Variants in CRHR1 observed in about 807,000 individuals in gnomAD.
CRHR1 encodes the protein corticotropin-releasing hormone receptor 1.
In CRHR1, 28 loss-of-function variants were observed where a neutral mutation model predicts 56.0. The observed-to-expected ratio is 0.50, with a 90% confidence interval of 0.37 to 0.69. CRHR1 has a LOEUF of 0.69. Among genes scored for constraint, CRHR1 ranks in the 30% least tolerant of loss-of-function variants. The pLI, the probability that CRHR1 is intolerant of heterozygous loss-of-function variation, is 0.00. For missense variants in CRHR1, 376 were observed against 548.0 expected (o/e 0.69, Z 3.13); for synonymous variants, 195 against 216.5 (o/e 0.90, Z 0.87).
chr17:45,795,753 A>T (rs1183117541), intron 1 of CRHR1, among the ~76,000 whole-genome samples: 1 of 152,338 alleles, frequency 6.6e-6, no homozygotes, highest in African/African-American at 2.4e-5. Flanking sequence ...TCTGTCTCCC[A>T]GGTCAGGTGT....
At chr17:45,804,227 G>GCA (rs2061679441) in intron 1 of CRHR1, among the ~76,000 whole-genome samples, 1 of 152,206 alleles carries the variant, frequency 6.6e-6, no homozygotes, top group South Asian at 2.1e-4. Flanking sequence ...ATCTTGCTGA[G>GCA]TGTCCCGTGT....
At chr17:45,811,625 T>C (rs2061826628) in intron 2 of CRHR1, among the ~76,000 whole-genome samples, 1 of 152,126 alleles carries the variant, frequency 6.6e-6, no homozygotes, top group South Asian at 2.1e-4. Flanking sequence ...CACAGAGTGA[T>C]AGGAACGTTG....
chr17:45,806,880 G>T, intron 1 of CRHR1, 130 bp from the exon 2 acceptor site: 1 of 701,594 alleles, frequency 1.4e-6, no homozygotes, highest in South Asian at 1.7e-5. Flanking sequence ...GAAGCGACTG[G>T]ATGTGTGACA....
rs753153508 is a variant in CRHR1 at position 45,834,630 on chromosome 17, T to C, written c.1114T>C (p.Ser372Pro). Reference sequence around the variant, plus strand: ...CTCCTCCCTGTGCCCACAGGTCCGTTCTGCCATCCGGAAGAGGTGGCACCG... The same window carrying C: ...CTCCTCCCTGTGCCCACAGGTCCGTCCTGCCATCCGGAAGAGGTGGCACCG... ...FYCFLNSEVR[S>P]AIRKRWHRWQ... Residue 372 changes from serine to proline, a missense_variant, in exon 13 of 13, where the codon TCT (serine) becomes CCT (proline). By Grantham distance (74) the Ser-to-Pro change is moderately conservative. Transcript: ENST00000314537. 4 of 1,611,424 alleles carry C rather than the reference T, an allele frequency of 2.5e-6. No individual in the cohort carries two copies. The South Asian group carries it at 4.4e-5, about 18-fold the overall frequency.
At position 45,834,722 on chromosome 17, in the gene CRHR1, C is replaced by T. The variant is rs1327662460; in HGVS notation, c.1206C>T (p.Thr402=). ...ARAMSIPTSP[T]RVSFHSIKQS... ...CCATGTCCATCCCCACCTCCCCAAC[C>T]CGTGTCAGCTTTCACAGCATCAAGC... Residue 402 remains threonine (T), a synonymous_variant, in exon 13 of 13, where the codon ACC becomes ACT. Coordinates refer to ENST00000314537, the MANE Select transcript of CRHR1 (RefSeq NM_004382.5). The T allele has an allele frequency of 5.0e-6, 8 of 1,613,824 alleles. No individual in the cohort carries two copies. Among genetic ancestry groups the T allele is most frequent in the Non-Finnish European group, 6.8e-6 (8 of 1,180,000 alleles).
At chr17:45,796,815 G>A (rs564979984) in intron 1 of CRHR1, among the ~76,000 whole-genome samples, 14 of 152,308 alleles carry the variant, frequency 9.2e-5, no homozygotes, top group African/African-American at 3.4e-4. Flanking sequence ...TGGAAGCCAG[G>A]GAAGACTGAG....
At position 45,790,809 on chromosome 17, in the gene CRHR1, A is replaced by G. The variant is rs934415917; in HGVS notation, c.33+6232A>G. ...CAGGGCTTGTTCTAGACTGACCGCT[A>G]TACTTTAGAGTCTACCCACTGGAGT... On this transcript the variant is annotated intron_variant, in intron 1 of 12. Transcript: ENST00000314537. Among the ~76,000 whole-genome samples, 4 of 152,232 alleles carry G rather than the reference A, an allele frequency of 2.6e-5. No homozygotes were observed. In the East Asian group the frequency reaches 7.7e-4, roughly 29 times the overall value.
intron 1 of CRHR1, among the ~76,000 whole-genome samples, chr17:45,806,293 G>A (rs757634751): frequency 6.6e-6 from 1 of 152,226 alleles, no homozygotes; most frequent in Non-Finnish European, 1.5e-5. Context: ...CTTCAGGGAG[G>A]TTAAAGGGCA....
At chr17:45,807,248 C>CCACCGAG (rs1438028876) in intron 2 of CRHR1, 151 bp downstream of exon 2, 1 of 705,234 alleles carries the variant, frequency 1.4e-6, no homozygotes, top group African/African-American at 1.8e-5. Flanking sequence ...CTTCACATCT[C>CCACCGAG]CACCGAGCAC....
intron 1 of CRHR1, among the ~76,000 whole-genome samples, chr17:45,790,755 G>A (rs959615256): frequency 6.6e-6 from 1 of 152,198 alleles, no homozygotes; most frequent in Non-Finnish European, 1.5e-5. Flanking sequence ...GACTGGTCCA[G>A]TCACTTCGTG....
intron 1 of CRHR1, among the ~76,000 whole-genome samples, chr17:45,788,858 A>G (rs2061379315): frequency 6.6e-6 from 1 of 151,986 alleles, no homozygotes; most frequent in Admixed American, 6.6e-5. Context: ...TCCATTTGGT[A>G]TTGTACAATT....
chr17:45,834,678 C>T lies in CRHR1; in HGVS notation c.1162C>T (p.Arg388Cys), dbSNP rs1258391158. 6.8e-6 allele frequency: 11 copies of T among 1,613,472 alleles called. No homozygotes were observed. The highest frequency in any genetic ancestry group is 6.7e-5 in the African/African-American group (5 of 74,914). ...WHRWQDKHSI[R>C]ARVARAMSIP... is the part of the protein sequence containing the mutation. ...CCGGTGGCAGGACAAGCACTCGATCCGTGCCCGAGTGGCCCGTGCCATGTC... is the reference window on the plus strand; with the variant it reads ...CCGGTGGCAGGACAAGCACTCGATCTGTGCCCGAGTGGCCCGTGCCATGTC... Residue 388 changes from arginine (R) to cysteine (C), a missense_variant, in exon 13 of 13, where the codon CGT becomes TGT. By Grantham distance (180) the Arg-to-Cys change is radical (BLOSUM62 -3). Coordinates refer to ENST00000314537, the MANE Select transcript of CRHR1 (RefSeq NM_004382.5).
chr17:45,784,482 C>T lies in CRHR1; in HGVS notation c.-63C>T. 1 of 1,459,428 alleles carries T rather than the reference C, an allele frequency of 6.9e-7. No homozygotes were observed. The highest frequency in any genetic ancestry group is 1.3e-5 in the South Asian group (1 of 75,484). 90.4% of individuals were successfully genotyped at this position (1,459,428 alleles called of 1,614,324 possible). A position where few individuals can be genotyped will look rare whatever the true frequency, so the allele number is the denominator to read the frequency against. On this transcript the variant is annotated 5_prime_UTR_variant, in exon 1 of 13. Coordinates refer to ENST00000314537, the MANE Select transcript of CRHR1 (RefSeq NM_004382.5). This position sits in a 1 kb window ranked among gnomAD's most constrained non-coding sequence, Gnocchi z 4.2. ...TGCCGCCCGAGCCCGCAGCCGCCCG[C>T]CGGTCCCTCTGGGATGTCCGTAGGA...
At chr17:45,810,731 G>T (rs766362725) in intron 2 of CRHR1, among the ~76,000 whole-genome samples, 4 of 152,170 alleles carry the variant, frequency 2.6e-5, no homozygotes, top group Non-Finnish European at 2.9e-5. Context: ...CCACAGACCC[G>T]CAGGACAGGA....
intron 4 of CRHR1, among the ~76,000 whole-genome samples, chr17:45,824,286 G>A (rs968461803): frequency 1.3e-5 from 2 of 152,194 alleles, no homozygotes; most frequent in African/African-American, 4.8e-5. Context: ...AGTGACTCAG[G>A]ACCACACGCC....
chr17:45,830,513 G>C lies in CRHR1; in HGVS notation c.652G>C (p.Val218Leu). 6.2e-7 allele frequency: 1 copy of C among 1,613,744 alleles called. No individual in the cohort carries two copies. The highest frequency in any genetic ancestry group is 1.3e-5 in the African/African-American group (1 of 75,050). The part of the protein sequence containing the change: ...GEGCYLHTAI[V>L]LTYSTDRLRK... ...GGGCTGCTACCTGCACACAGCCATC[G>C]TGCTCACCTACTCCACTGACCGGCT... The change falls in exon 7 of 13, where the codon GTG becomes CTG. Residue 218 changes from valine to leucine, a missense_variant. Transcript: ENST00000314537.
rs1276387363 is a variant in CRHR1, at chr17:45,833,163, G to A, written c.796G>A (p.Val266Met). The change falls in exon 9 of 13, where the codon GTG becomes ATG. Residue 266 changes from valine (V) to methionine (M), a missense_variant. Physicochemically the swap from Val to Met is conservative, Grantham distance 21 (BLOSUM62 1). Transcript: ENST00000314537. Reference protein sequence around the residue: ...EKCWFGKRPGVYTDYIYQGPM... With the variant: ...EKCWFGKRPGMYTDYIYQGPM... ...GTGCTGGTTTGGCAAAAGGCCTGGG[G>A]TGTACACCGACTACATCTACCAGGG... 6.2e-7 allele frequency: 1 copy of A among 1,614,166 alleles called. No individual in the cohort carries two copies. Among genetic ancestry groups the A allele is most frequent in the Non-Finnish European group, 8.5e-7 (1 of 1,180,024 alleles).
At chr17:45,833,632 C>T in intron 10 of CRHR1, 82 bp from the exon 11 acceptor site, 3 of 1,597,986 alleles carry the variant, frequency 1.9e-6, no homozygotes, top group Non-Finnish European at 2.6e-6. Flanking sequence ...CCTCCCCCGA[C>T]CTGGCCCTCT....
intron 2 of CRHR1, among the ~76,000 whole-genome samples, chr17:45,808,606 G>C (rs1028688042): frequency 6.6e-6 from 1 of 152,198 alleles, no homozygotes; most frequent in African/African-American, 2.4e-5. Context: ...GTAAACTGTA[G>C]AGTGTCATGC....
Sources: gnomAD v4.1 joint callset for allele counts (sites outside exome capture counted in the v4.1 genomes callset) on GRCh38, gnomAD v4.1.1 for gene constraint, Gnocchi (gnomAD v3.1) non-coding constraint, MANE v1.5 for transcripts, NCBI Gene and HGNC (gene_info 2026-07-23, HGNC 2026-07-21) for gene names.